Variants in STT3B observed in about 807,000 individuals in gnomAD.
STT3B encodes the protein STT3 oligosaccharyltransferase complex catalytic subunit B.
A neutral mutation model predicts 96.8 loss-of-function variants in STT3B; 29 were observed. The ratio of observed to expected loss-of-function variants is 0.30; its 90% CI spans 0.22 to 0.41. STT3B has a LOEUF of 0.41. Among genes scored for constraint, STT3B ranks in the 10% least tolerant of loss-of-function variants. The pLI, the probability that STT3B is intolerant of heterozygous loss-of-function variation, is 1.00. For missense variants in STT3B, 640 were observed against 1,022.3 expected (o/e 0.63, Z 5.10); for synonymous variants, 367 against 360.0 (o/e 1.02, Z -0.22).
intron 1 of STT3B, among the ~76,000 whole-genome samples, chr3:31,561,885 TTTTC>T (rs1410342399): frequency 6.6e-6 from 1 of 151,978 alleles, no homozygotes; most frequent in Non-Finnish European, 1.5e-5. Flanking sequence ...CTCCATATGA[TTTTC>T]TTTTTTTCTG....
chr3:31,610,045 G>A (rs1446986598), intron 5 of STT3B, among the ~76,000 whole-genome samples: 2 of 152,166 alleles, frequency 1.3e-5, no homozygotes, highest in Non-Finnish European at 2.9e-5. Context: ...TTATCATTAT[G>A]TATGCCTGTT....
Position 31,622,137 on chromosome 3 carries a change from G to A in STT3B, c.1368G>A (p.Val456=). 6.2e-7 allele frequency: 1 copy of A among 1,614,130 alleles called. No individual in the cohort carries two copies. Among genetic ancestry groups the A allele is most frequent in the Non-Finnish European group, 8.5e-7 (1 of 1,179,968 alleles). Residue 456 remains valine (V), a synonymous_variant, in exon 10 of 16, where the codon GTG becomes GTA. Transcript: ENST00000295770. Reference sequence around the variant, plus strand: ...TCAGTGCTGTCTACTTTGCTGGAGTGATGGTGCGACTGATGTTGACTTTGA... The same window carrying A: ...TCAGTGCTGTCTACTTTGCTGGAGTAATGGTGCGACTGATGTTGACTTTGA... ...YAISAVYFAG[V]MVRLMLTLTP...
chr3:31,571,837 T>A (rs911111331), intron 1 of STT3B, among the ~76,000 whole-genome samples: 15 of 151,322 alleles, frequency 9.9e-5, no homozygotes, highest in Admixed American at 3.3e-4. Flanking sequence ...ATAATCAGAC[T>A]ATGCTTTGTT....
At chr3:31,537,041 C>T (rs1051024469) in intron 1 of STT3B, among the ~76,000 whole-genome samples, 2 of 152,284 alleles carry the variant, frequency 1.3e-5, no homozygotes, top group African/African-American at 2.4e-5. Flanking sequence ...AGTGGGTTCT[C>T]CCTAGAGAGA....
intron 15 of STT3B, among the ~76,000 whole-genome samples, chr3:31,633,876 A>G (rs1699711650): frequency 6.6e-6 from 1 of 152,130 alleles, no homozygotes; most frequent in Admixed American, 6.5e-5. Flanking sequence ...TATAATACTG[A>G]TTATTATTAG....
At chr3:31,568,703 T>G (rs961223660) in intron 1 of STT3B, among the ~76,000 whole-genome samples, 1 of 152,242 alleles carries the variant, frequency 6.6e-6, no homozygotes, top group African/African-American at 2.4e-5. Flanking sequence ...GGTATTTTGC[T>G]TCAGGACATA....
chr3:31,610,393 A>ATT (rs1699156900), intron 5 of STT3B, among the ~76,000 whole-genome samples: 1 of 152,228 alleles, frequency 6.6e-6, no homozygotes, highest in Non-Finnish European at 1.5e-5. Context: ...ATGGGAATAT[A>ATT]GTATTTGCAT....
In STT3B at chr3:31,635,526, A is replaced by G. The variant is rs374699426; in HGVS notation, c.2401-458A>G. Among the ~76,000 whole-genome samples, 59 of 152,308 alleles carry G rather than the reference A, an allele frequency of 3.9e-4. No homozygotes were observed. The South Asian group carries it at 6.0e-3, about 16-fold the overall frequency. On this transcript the variant is annotated intron_variant, in intron 15 of 15. Transcript: ENST00000295770. ...AAGTGATTATATCTCTCATTTTTGT[A>G]GATGGTTACAGTCATCCTCATTTTA... is the stretch of plus-strand genomic sequence containing the variant.
chr3:31,537,234 G>C (rs1443657454), intron 1 of STT3B, among the ~76,000 whole-genome samples: 1 of 152,214 alleles, frequency 6.6e-6, no homozygotes, highest in Non-Finnish European at 1.5e-5. Context: ...TGGAACATAA[G>C]CTGTTAGAAG....
intron 1 of STT3B, 148 bp from the exon 2 acceptor site, chr3:31,576,248 T>C (rs1698261160): frequency 2.6e-6 from 1 of 378,926 alleles, no homozygotes; most frequent in African/African-American, 2.1e-5. Context: ...GGTATAAGCA[T>C]GTTCTTTTGA....
intron 1 of STT3B, among the ~76,000 whole-genome samples, chr3:31,535,453 G>T (rs1697066148): frequency 6.6e-6 from 1 of 151,976 alleles, no homozygotes. Context: ...GTCGGGCGCG[G>T]TGGCTCACGC....
intron 1 of STT3B, among the ~76,000 whole-genome samples, chr3:31,539,964 CCT>C (rs994741435): frequency 1.1e-4 from 16 of 152,092 alleles, no homozygotes; most frequent in East Asian, 3.9e-4. Context: ...GTGTTGGCCC[CCT>C]GTTTCTATTT....
At position 31,595,401 on chromosome 3, in the gene STT3B, G is replaced by A. The variant is rs115267244; in HGVS notation, c.712-1397G>A. 5.4e-3 allele frequency among the ~76,000 whole-genome samples: 815 copies of A among 152,122 alleles called. 10 individuals carry two copies. The highest frequency in any genetic ancestry group is 0.018 in the African/African-American group (758 of 41,508). On this transcript the variant is annotated intron_variant, in intron 3 of 15. Coordinates refer to ENST00000295770, the MANE Select transcript of STT3B (RefSeq NM_178862.3). ...AGTAGCTCAGCTGTTTTCTGTTTTG[G>A]CAGGTGGTGTTGTTTTCCCCTTTTC... is the stretch of plus-strand genomic sequence containing the variant.
intron 3 of STT3B, among the ~76,000 whole-genome samples, chr3:31,595,507 T>C (rs1698767432): frequency 6.6e-6 from 1 of 152,176 alleles, no homozygotes; most frequent in Admixed American, 6.5e-5. Flanking sequence ...TAGATTTTGT[T>C]ACTCTCATTT....
At chr3:31,535,816 G>A (rs1697078756) in intron 1 of STT3B, among the ~76,000 whole-genome samples, 1 of 152,188 alleles carries the variant, frequency 6.6e-6, no homozygotes, top group Non-Finnish European at 1.5e-5. Flanking sequence ...CCATTTGAAA[G>A]TATACATCTC....
rs10696158 is a variant in STT3B at position 31,543,067 on chromosome 3, C to CAAAAAAAAA, written c.314+9764_314+9772dup. On this transcript the variant is annotated intron_variant, in intron 1 of 15. Coordinates refer to ENST00000295770, the MANE Select transcript of STT3B (RefSeq NM_178862.3). ...GGCAACAGAGTGAGACTCCATCTCA[C>CAAAAAAAAA]AAAAAAAAAAAAAAAAAGAGAAAGA... is the stretch of plus-strand genomic sequence containing the variant. 2.0e-4 allele frequency among the ~76,000 whole-genome samples: 22 copies of CAAAAAAAAA among 109,302 alleles called. 1 individual carries two copies. Among genetic ancestry groups the CAAAAAAAAA allele is most frequent in the South Asian group, 9.3e-4 (3 of 3,212 alleles). The allele number at this position is 109,302 out of a possible 152,430, so 71.7% of individuals were successfully genotyped here.
intron 8 of STT3B, among the ~76,000 whole-genome samples, chr3:31,619,407 G>C (rs1699381013): frequency 6.6e-6 from 1 of 152,202 alleles, no homozygotes; most frequent in South Asian, 2.1e-4. Flanking sequence ...CAGTTGAACA[G>C]AGATTTCTGT....
Position 31,624,943 on chromosome 3 carries a change from A to C in STT3B, c.1757A>C (p.Glu586Ala). 6.2e-7 allele frequency: 1 copy of C among 1,613,240 alleles called. No homozygotes were observed. Among genetic ancestry groups the C allele is most frequent in the East Asian group, 2.2e-5 (1 of 44,828 alleles). ...GTRNILDDFR[E>A]AYFWLRQNTD... ...AGGAATATCTTAGATGATTTTAGAGAAGCTTACTTTTGGCTAAGGCAAAAT... is the reference window on the plus strand; with the variant it reads ...AGGAATATCTTAGATGATTTTAGAGCAGCTTACTTTTGGCTAAGGCAAAAT... Residue 586 changes from glutamate (E) to alanine (A), a missense_variant, in exon 12 of 16, where the codon GAA becomes GCA. Glu to Ala is a moderately radical substitution (Grantham distance 107). This residue lies in a region of STT3B where 149 missense variants were observed against 250.2 expected (regional missense o/e 0.60). Transcript: ENST00000295770.
At chr3:31,552,233 T>C (rs1185936840) in intron 1 of STT3B, among the ~76,000 whole-genome samples, 2 of 152,222 alleles carry the variant, frequency 1.3e-5, no homozygotes, top group African/African-American at 4.8e-5. Context: ...TTTCTTTCCA[T>C]CTCTGAATGT....
Sources: allele counts gnomAD v4.1 joint callset (sites outside exome capture counted in the v4.1 genomes callset), GRCh38; gene constraint gnomAD v4.1.1; regional missense constraint gnomAD v4.1.1; transcripts MANE v1.5; gene names NCBI Gene and HGNC (gene_info 2026-07-23, HGNC 2026-07-21).